Variants in TTN observed in about 807,000 individuals in gnomAD.
TTN encodes connectin.
Under a neutral mutation model 3,223.0 loss-of-function variants are expected in TTN, and 1,525 were observed. That is an observed-to-expected ratio of 0.47 (90% CI 0.45 to 0.49). The LOEUF is 0.49. TTN is among the 20% of genes least tolerant of loss of function. The pLI is 0.00. For missense variants in TTN, 40,786 were observed against 43,424.0 expected, an observed-to-expected ratio of 0.94 and a Z score of 5.40; for synonymous variants, 14,094 against 15,161.0, an observed-to-expected ratio of 0.93 and a Z score of 5.17.
rs748631024 is a variant in TTN, at chr2:178,615,482, C to T, written c.48463G>A (p.Val16155Ile). 7.4e-6 allele frequency: 12 copies of T among 1,610,786 alleles called. No homozygotes were observed. In the Admixed American group the frequency reaches 2.0e-4, roughly 27 times the overall value. ...EPVNMSTPAT[V>I]PDPPENVKWR... ...TTAACATTCTCTGGTGGGTCAGGTACCGCTACAACATTTGGAAGAGAGAGT... is the reference window on the plus strand; with the variant it reads ...TTAACATTCTCTGGTGGGTCAGGTATCGCTACAACATTTGGAAGAGAGAGT... The change falls in exon 259 of 363, where the codon GTA becomes ATA. Residue 16155 changes from valine to isoleucine, a missense_variant and splice_region_variant. By Grantham distance (29) the Val-to-Ile change is conservative (BLOSUM62 3). Transcript: ENST00000589042.
Position 178,538,744 on chromosome 2 carries a change from C to T in TTN, c.99085G>A (p.Glu33029Lys), listed in dbSNP as rs1431873084. ...WEKPECDGGK[E>K]ILGYWVEYRQ... is the part of the protein sequence containing the mutation. Reference sequence around the variant, plus strand: ...TATTCAACCCAGTATCCAAGAATTTCTTTACCACCATCACATTCAGGTTTC... The same window carrying T: ...TATTCAACCCAGTATCCAAGAATTTTTTTACCACCATCACATTCAGGTTTC... Residue 33029 changes from glutamate to lysine, a missense_variant, in exon 354 of 363, where the codon GAA (glutamate) becomes AAA (lysine). Physicochemically the swap from Glu to Lys is moderately conservative, Grantham distance 56. Transcript: ENST00000589042. 1 of 1,613,742 alleles carries T rather than the reference C, an allele frequency of 6.2e-7. No individual in the cohort carries two copies. The highest frequency in any genetic ancestry group is 1.7e-5 in the Admixed American group (1 of 60,008).
At position 178,536,974 on chromosome 2, in the gene TTN, C is replaced by T; in HGVS notation, c.100135G>A (p.Glu33379Lys). The T allele has an allele frequency of 6.2e-7, 1 of 1,613,288 alleles. No homozygotes were observed. The highest frequency in any genetic ancestry group is 2.2e-5 in the East Asian group (1 of 44,830). The change falls in exon 356 of 363, where the codon GAA becomes AAA. Residue 33379 changes from glutamate to lysine, a missense_variant. Transcript: ENST00000589042. ...QNTFGISDPL[E>K]VSSVVIIKSP... ...TTAATGATCACAACTGAGGACACTT[C>T]TAGAGGGTCACTGATGCCGAAAGTG...
At position 178,609,946 on chromosome 2, in the gene TTN, A is replaced by G. The variant is rs759802048; in HGVS notation, c.51477T>C (p.Pro17159=). The change falls in exon 272 of 363, where the codon CCT becomes CCC. Residue 17159 remains proline (P), a synonymous_variant. Coordinates refer to ENST00000589042, the MANE Select transcript of TTN (RefSeq NM_001267550.2). ...ATGTAATAGTCATTGCCTCCGCTGT[A>G]GGATTATGAACCTCTACATCTACAG... ...DPPVDVEVHN[P]TAEAMTITWK... 3.7e-6 allele frequency: 6 copies of G among 1,612,798 alleles called. No individual in the cohort carries two copies. In the East Asian group the frequency reaches 1.3e-4, roughly 36 times the overall value.
rs1228302698 is a variant in TTN at position 178,590,592 on chromosome 2, G to C, written c.61133C>G (p.Pro20378Arg). The change falls in exon 304 of 363, where the codon CCT becomes CGT. Residue 20378 changes from proline (P) to arginine (R), a missense_variant. Transcript: ENST00000589042. ...TTCTCTGCTCTTGTCTTTCAGTTTA[G>C]GATTAATAGGTGGTCCAGGTGGTTT... ...PIKPPGPPIN[P>R]KLKDKSRETA... 1 of 1,612,532 alleles carries C rather than the reference G, an allele frequency of 6.2e-7. No individual in the cohort carries two copies. Among genetic ancestry groups the C allele is most frequent in the East Asian group, 2.2e-5 (1 of 44,780 alleles).
At chr2:178,686,513 G>A (rs929891412) in intron 127 of TTN, among the ~76,000 whole-genome samples, 1 of 152,114 alleles carries the variant, frequency 6.6e-6, no homozygotes, top group Admixed American at 6.5e-5. Flanking sequence ...GAACTCCTGG[G>A]TTCAAATGAT....
In TTN at chr2:178,682,705, T is replaced by C. The variant is rs1253688623; in HGVS notation, c.33086A>G (p.Tyr11029Cys). ...EYERYEEHEE[Y>C]ITEPEKPIPV... ...TGCAGTTTTGCTCATACCTGTGATGTATTCTTCATGCTCTTCATATCGTTC... is the reference window on the plus strand; with the variant it reads ...TGCAGTTTTGCTCATACCTGTGATGCATTCTTCATGCTCTTCATATCGTTC... Residue 11029 changes from tyrosine to cysteine, a missense_variant, in exon 135 of 363, where the codon TAC becomes TGC. Physicochemically the swap from Tyr to Cys is radical, Grantham distance 194. Transcript: ENST00000589042. 6 of 1,611,392 alleles carry C rather than the reference T, an allele frequency of 3.7e-6. No homozygotes were observed. Among genetic ancestry groups the C allele is most frequent in the Non-Finnish European group, 5.1e-6 (6 of 1,178,740 alleles).
chr2:178,750,359 A>G (rs769173666), intron 47 of TTN: 14 of 1,613,228 alleles, frequency 8.7e-6, no homozygotes, highest in Non-Finnish European at 1.2e-5. Context: ...CACACAAGTA[A>G]TAGAACCTTC....
Position 178,721,143 on chromosome 2 carries a change from T to G in TTN, c.22876A>C (p.Ile7626Leu), listed in dbSNP as rs1560677297. 1 of 1,612,078 alleles carries G rather than the reference T, an allele frequency of 6.2e-7. No homozygotes were observed. Among genetic ancestry groups the G allele is most frequent in the Admixed American group, 1.7e-5 (1 of 59,960 alleles). The change falls in exon 79 of 363, where the codon ATT (isoleucine) becomes CTT (leucine). Residue 7626 changes from isoleucine (I) to leucine (L), a missense_variant. Coordinates refer to ENST00000589042, the MANE Select transcript of TTN (RefSeq NM_001267550.2). ...ASKVAKQGES[I>L]QLECKISGSP... ...CCACTTATTTTACATTCCAGTTGAA[T>G]GGATTCTCCCTGCTTTGCAACTTTT...
chr2:178,572,111 G>A lies in TTN; in HGVS notation c.74021C>T (p.Ala24674Val), dbSNP rs1158950009. Residue 24674 changes from alanine (A) to valine (V), a missense_variant, in exon 326 of 363, where the codon GCC (alanine) becomes GTC (valine). Coordinates refer to ENST00000589042, the MANE Select transcript of TTN (RefSeq NM_001267550.2). ...ACCCTGAATTAATCCAGTGATAGTGGCTTCAGTGACCTTGACTGTGGCACA... is the reference window on the plus strand; with the variant it reads ...ACCCTGAATTAATCCAGTGATAGTGACTTCAGTGACCTTGACTGTGGCACA... ...ATCATVKVTE[A>V]TITGLIQGEE... 6.2e-7 allele frequency: 1 copy of A among 1,613,168 alleles called. No homozygotes were observed. The highest frequency in any genetic ancestry group is 8.5e-7 in the Non-Finnish European group (1 of 1,179,500).
intron 316 of TTN, chr2:178,580,819 GT>G (rs1553624838): frequency 1.8e-6 from 1 of 555,528 alleles, no homozygotes; most frequent in East Asian, 3.3e-5. Context: ...GCTTAACCAG[GT>G]TTTCCCCCCG....
Position 178,562,829 on chromosome 2 carries a change from C to G in TTN, c.83303G>C (p.Ser27768Thr), listed in dbSNP as rs763612512. ...TCTTATGGTCAAATTCACAGGGGCA[C>G]TTGGTGAGTCAAGAACTCTGACGTT... ...FVNVRVLDSPSAPVNLTIREV... is the reference protein window; with the variant it reads ...FVNVRVLDSPTAPVNLTIREV... Residue 27768 changes from serine (S) to threonine (T), a missense_variant, in exon 326 of 363, where the codon AGT becomes ACT. Ser to Thr is a moderately conservative substitution (Grantham distance 58). Transcript: ENST00000589042. 1.9e-6 allele frequency: 3 copies of G among 1,612,938 alleles called. No individual in the cohort carries two copies. Among genetic ancestry groups the G allele is most frequent in the South Asian group, 2.2e-5 (2 of 91,050 alleles).
chr2:178,629,044 T>C lies in TTN; in HGVS notation c.44424+257A>G, dbSNP rs539797240. ...TATCATTCATAGTCAATGAGTCTTG[T>C]CTTTTCTTCAAAAAACTAAAACATG... On this transcript the variant is annotated intron_variant, in intron 240 of 362. Transcript: ENST00000589042. 2.6e-5 allele frequency among the ~76,000 whole-genome samples: 4 copies of C among 152,256 alleles called. No homozygotes were observed. The South Asian group carries it at 8.3e-4, about 32-fold the overall frequency.
chr2:178,714,690 C>T (rs1260206362), intron 90 of TTN, 117 bp from the exon 91 acceptor site: 15 of 1,226,880 alleles, frequency 1.2e-5, no homozygotes, highest in Non-Finnish European at 1.6e-5. Context: ...ATTTAAGAGG[C>T]ATTTTTGGTG....
At chr2:178,729,264 T>C (rs756145018) in intron 64 of TTN, 24 bp downstream of exon 64, 1 of 1,566,004 alleles carries the variant, frequency 6.4e-7, no homozygotes, top group East Asian at 2.3e-5. Context: ...TTTTATTTGA[T>C]AGGCTGCTTC....
Position 178,580,455 on chromosome 2 carries a change from C to G in TTN, c.66924G>C (p.Leu22308=). The G allele has an allele frequency of 6.2e-7, 1 of 1,613,114 alleles. No individual in the cohort carries two copies. The highest frequency in any genetic ancestry group is 8.5e-7 in the Non-Finnish European group (1 of 1,179,432). Residue 22308 remains leucine, a synonymous_variant, in exon 317 of 363, where the codon CTG becomes CTC. Coordinates refer to ENST00000589042, the MANE Select transcript of TTN (RefSeq NM_001267550.2). ...TGTCAAAGTCAGTTGACTTTATGTC[C>G]AGTCCAATCCTGTCTCTTAGATTGA... is the stretch of plus-strand genomic sequence containing the variant. ...PNVNLRDRIG[L]DIKSTDFDTF... is the part of the protein sequence containing the mutation.
At chr2:178,728,081 G>C (rs746634584) in intron 67 of TTN, 29 bp downstream of exon 67, 21 of 1,521,670 alleles carry the variant, frequency 1.4e-5, no homozygotes, top group Non-Finnish European at 1.6e-5. Context: ...TCGCAAGGAA[G>C]AATCAAGAAG....
chr2:178,702,118 G>A (rs1577669372), intron 108 of TTN, 50 bp downstream of exon 108: 1 of 1,613,196 alleles, frequency 6.2e-7, no homozygotes, highest in Non-Finnish European at 8.5e-7. Flanking sequence ...GTATAGGTAG[G>A]CTACGTGTTT....
chr2:178,706,374 C>T, intron 102 of TTN, 80 bp downstream of exon 102: 2 of 1,441,086 alleles, frequency 1.4e-6, no homozygotes, highest in Admixed American at 2.6e-5. Flanking sequence ...ATACTTTCCA[C>T]TGGGGCTGGT....
chr2:178,582,866 A>G, intron 313 of TTN, 74 bp downstream of exon 313: 1 of 1,258,114 alleles, frequency 7.9e-7, no homozygotes, highest in South Asian at 2.2e-5. Context: ...CTTCTCCCAC[A>G]TTATTCTGTA....
Sources: gnomAD v4.1 joint callset for allele counts (sites outside exome capture counted in the v4.1 genomes callset) on GRCh38, gnomAD v4.1.1 for gene constraint, MANE v1.5 for transcripts, NCBI Gene and HGNC (gene_info 2026-07-23, HGNC 2026-07-21) for gene names.